Variants in IRX5 observed in about 807,000 individuals in gnomAD.
The protein encoded by IRX5 is iroquois homeobox 5, also known as iroquois-class homeodomain protein IRX-5.
IRX5 carries 8 observed loss-of-function variants against 37.6 expected under a neutral mutation model. That is an observed-to-expected ratio of 0.21 (90% CI 0.12 to 0.38). The LOEUF (loss-of-function observed/expected upper bound fraction) is 0.38, where lower values mean the gene tolerates loss of function less well. Ranked by LOEUF, IRX5 falls within the 10% of genes least tolerant of loss-of-function variation. IRX5 has a pLI of 1.00. For synonymous variants in IRX5, 359 were observed against 328.6 expected (o/e 1.09, Z -1.00); for missense variants, 635 against 695.2 (o/e 0.91, Z 0.97).
At position 54,933,486 on chromosome 16, in the gene IRX5, G is replaced by C. The variant is rs1375777612; in HGVS notation, c.1065G>C (p.Glu355Asp). ...DKVKDGGGGN[E>D]GSPCPPCPGP... ...TCAAGGACGGGGGCGGCGGGAACGA[G>C]GGCTCTCCATGCCCACCGTGTCCCG... is the stretch of plus-strand genomic sequence containing the variant. Residue 355 changes from glutamate (E) to aspartate (D), a missense_variant, in exon 3 of 3, where the codon GAG becomes GAC. Physicochemically the swap from Glu to Asp is conservative, Grantham distance 45. Coordinates refer to ENST00000394636, the MANE Select transcript of IRX5 (RefSeq NM_005853.6). 1 of 1,611,582 alleles carries C rather than the reference G, an allele frequency of 6.2e-7. No homozygotes were observed. Among genetic ancestry groups the C allele is most frequent in the African/African-American group, 1.3e-5 (1 of 74,928 alleles).
chr16:54,932,261 G>A lies in IRX5; in HGVS notation c.250-237G>A, dbSNP rs1963907437. The A allele has an allele frequency of 7.4e-6, 5 of 674,490 alleles. No homozygotes were observed. The South Asian group carries it at 7.8e-5, about 10-fold the overall frequency. The allele number at this position is 674,490 out of a possible 1,614,324, so 41.8% of individuals were successfully genotyped here. On this transcript the variant is annotated intron_variant, in intron 1 of 2. Transcript: ENST00000394636. The surrounding 1 kb of genome is among the most constrained non-coding windows in gnomAD (Gnocchi z 6.7). ...GCCTACGGGGTGACACCGAGGCCGG[G>A]ACAGCTTCAGGGGCCCCAGAAGGAC...
chr16:54,933,061 T>C lies in IRX5; in HGVS notation c.656-16T>C. 1 of 1,601,594 alleles carries C rather than the reference T, an allele frequency of 6.2e-7. No individual in the cohort carries two copies. Among genetic ancestry groups the C allele is most frequent in the East Asian group, 2.2e-5 (1 of 44,494 alleles). Reference sequence around the variant, plus strand: ...CGCGGCCTCTGCGCCCCTGACAGCCTGGGTTTCGCCCGCAGGAGGAGCTGA... The same window carrying C: ...CGCGGCCTCTGCGCCCCTGACAGCCCGGGTTTCGCCCGCAGGAGGAGCTGA... On this transcript the variant is annotated splice_polypyrimidine_tract_variant and intron_variant, in intron 2 of 2. Coordinates refer to ENST00000394636, the MANE Select transcript of IRX5 (RefSeq NM_005853.6).
intron 1 of IRX5, among the ~76,000 whole-genome samples, chr16:54,931,830 C>G (rs973036992): frequency 6.6e-6 from 1 of 152,196 alleles, no homozygotes; most frequent in Admixed American, 6.5e-5. Flanking sequence ...CGTGCTAAGT[C>G]TATGTAAATG....
In IRX5 at chr16:54,931,133, C is replaced by T. The variant is rs1963889849; in HGVS notation, c.-66C>T. On this transcript the variant is annotated 5_prime_UTR_variant, in exon 1 of 3. Coordinates refer to ENST00000394636, the MANE Select transcript of IRX5 (RefSeq NM_005853.6). ...AGAGGCCAGGTGCCCGCCCGCTCGC[C>T]CTCGCAGGGCGCCGCCCGGCTCGTT... 1 of 1,233,984 alleles carries T rather than the reference C, an allele frequency of 8.1e-7. No individual in the cohort carries two copies. The highest frequency in any genetic ancestry group is 1.6e-5 in the African/African-American group (1 of 63,162). The allele number at this position is 1,233,984 out of a possible 1,614,324, so 76.4% of individuals were successfully genotyped here.
At chr16:54,931,477 G>A (rs1419567943) in intron 1 of IRX5, 30 bp downstream of exon 1, 4 of 1,517,904 alleles carry the variant, frequency 2.6e-6, no homozygotes, top group Non-Finnish European at 3.5e-6. Context: ...GGCGGGCGAG[G>A]GGCAGCAGGG....
At position 54,932,647 on chromosome 16, in the gene IRX5, C is replaced by T. The variant is rs1185354785; in HGVS notation, c.399C>T (p.Asn133=). The T allele has an allele frequency of 7.4e-6, 12 of 1,614,060 alleles. No homozygotes were observed. Among genetic ancestry groups the T allele is most frequent in the Non-Finnish European group, 1.0e-5 (12 of 1,180,030 alleles). ...DATATLKAWL[N]EHRKNPYPTK... ...CGGCTACCCTCAAGGCCTGGCTCAA[C>T]GAGCACCGCAAGAACCCCTACCCCA... Residue 133 remains asparagine, a synonymous_variant, in exon 2 of 3, where the codon AAC becomes AAT. Coordinates refer to ENST00000394636, the MANE Select transcript of IRX5 (RefSeq NM_005853.6). This position sits in a 1 kb window ranked among gnomAD's most constrained non-coding sequence, Gnocchi z 6.7.
chr16:54,931,382 A>G lies in IRX5; in HGVS notation c.184A>G (p.Asn62Asp). 1 of 1,603,066 alleles carries G rather than the reference A, an allele frequency of 6.2e-7. No individual in the cohort carries two copies. Among genetic ancestry groups the G allele is most frequent in the Non-Finnish European group, 8.5e-7 (1 of 1,179,384 alleles). ...CTTCACGGCGCCCTCGCCGGGCTAC[A>G]ACTCGCACCTCCAGTACGGCGCCGA... The part of the protein sequence containing the change: ...TAFTAPSPGY[N>D]SHLQYGADPA... Residue 62 changes from asparagine (N) to aspartate (D), a missense_variant, in exon 1 of 3, where the codon AAC becomes GAC. Asn to Asp is a conservative substitution (Grantham distance 23). Transcript: ENST00000394636.
Position 54,932,163 on chromosome 16 carries a change from C to G in IRX5, c.250-335C>G. ...GGAGTCGCCTCAGTTGCCCAGGCCT[C>G]TATCTGCATGGAGGGCCGGGCCGCC... is the stretch of plus-strand genomic sequence containing the variant. On this transcript the variant is annotated intron_variant, in intron 1 of 2. Coordinates refer to ENST00000394636, the MANE Select transcript of IRX5 (RefSeq NM_005853.6). The surrounding 1 kb of genome is among the most constrained non-coding windows in gnomAD (Gnocchi z 6.7). 1.4e-6 allele frequency: 1 copy of G among 702,928 alleles called. No homozygotes were observed. The highest frequency in any genetic ancestry group is 2.6e-6 in the Non-Finnish European group (1 of 384,982). 43.5% of individuals were successfully genotyped at this position (702,928 alleles called of 1,614,324 possible).
In IRX5 at chr16:54,932,188, C is replaced by T. The variant is rs1176859394; in HGVS notation, c.250-310C>T. 4 of 702,686 alleles carry T rather than the reference C, an allele frequency of 5.7e-6. 1 individual carries two copies. The highest frequency in any genetic ancestry group is 3.0e-5 in the South Asian group (2 of 67,572). The allele number at this position is 702,686 out of a possible 1,614,324, so 43.5% of individuals were successfully genotyped here. ...CTATCTGCATGGAGGGCCGGGCCGC[C>T]GTGGCCAGATCTGCGCACGGGGTAC... On this transcript the variant is annotated intron_variant, in intron 1 of 2. Coordinates refer to ENST00000394636, the MANE Select transcript of IRX5 (RefSeq NM_005853.6). The surrounding 1 kb of genome is among the most constrained non-coding windows in gnomAD (Gnocchi z 6.7).
At chr16:54,931,506 G>A in intron 1 of IRX5, 59 bp downstream of exon 1, 1 of 1,470,696 alleles carries the variant, frequency 6.8e-7, no homozygotes, top group Non-Finnish European at 9.0e-7. Context: ...GGAGGACGGG[G>A]GCGGAGGGGG....
chr16:54,931,906 C>G (rs1963902076), intron 1 of IRX5: 1 of 605,770 alleles, frequency 1.7e-6, no homozygotes, highest in East Asian at 2.7e-5. Context: ...CTTCGCAATC[C>G]GATTTGGGAG....
Position 54,933,273 on chromosome 16 carries a change from G to A in IRX5, c.852G>A (p.Ala284=). 7.5e-7 allele frequency: 1 copy of A among 1,325,796 alleles called. No homozygotes were observed. The allele number at this position is 1,325,796 out of a possible 1,614,324, so 82.1% of individuals were successfully genotyped here. A position where few individuals can be genotyped will look rare whatever the true frequency, so the allele number is the denominator to read the frequency against. The part of the protein sequence containing the change: ...SPAGPAAARL[A]EDPAPHYPAG... Reference sequence around the variant, plus strand: ...CTGGGCCAGCGGCGGCGCGGCTGGCGGAGGACCCGGCCCCTCACTACCCCG... The same window carrying A: ...CTGGGCCAGCGGCGGCGCGGCTGGCAGAGGACCCGGCCCCTCACTACCCCG... Residue 284 remains alanine, a synonymous_variant, in exon 3 of 3, where the codon GCG becomes GCA. Coordinates refer to ENST00000394636, the MANE Select transcript of IRX5 (RefSeq NM_005853.6).
Position 54,933,199 on chromosome 16 carries a change from C to A in IRX5, c.778C>A (p.Arg260Ser), listed in dbSNP as rs199861709. ...SDFKEPPSEG[R>S]LDALQGPPRT... ...TTTTAAGGAGCCGCCCTCGGAGGGC[C>A]GCCTCGACGCGCTGCAGGGCCCCCC... is the stretch of plus-strand genomic sequence containing the variant. The change falls in exon 3 of 3, where the codon CGC (arginine) becomes AGC (serine). Residue 260 changes from arginine to serine, a missense_variant. Coordinates refer to ENST00000394636, the MANE Select transcript of IRX5 (RefSeq NM_005853.6). 9.2e-5 allele frequency: 141 copies of A among 1,535,738 alleles called. No homozygotes were observed. The highest frequency in any genetic ancestry group is 2.3e-4 in the Admixed American group (12 of 51,226).
Position 54,931,268 on chromosome 16 carries a change from A to C in IRX5, c.70A>C (p.Ser24Arg). The part of the protein sequence containing the change: ...SLALYSCPAY[S>R]TSVISGPRTD... ...GGCGCTCTACTCGTGCCCGGCGTAC[A>C]GCACCAGCGTCATTTCGGGGCCCCG... The change falls in exon 1 of 3, where the codon AGC (serine) becomes CGC (arginine). Residue 24 changes from serine to arginine, a missense_variant. By Grantham distance (110) the Ser-to-Arg change is moderately radical. Transcript: ENST00000394636. 2 of 1,612,550 alleles carry C rather than the reference A, an allele frequency of 1.2e-6. No homozygotes were observed. Among genetic ancestry groups the C allele is most frequent in the African/African-American group, 2.7e-5 (2 of 74,974 alleles).
chr16:54,932,118 T>C lies in IRX5; in HGVS notation c.250-380T>C, dbSNP rs1596761911. 1.4e-6 allele frequency: 1 copy of C among 702,742 alleles called. No homozygotes were observed. Among genetic ancestry groups the C allele is most frequent in the Non-Finnish European group, 2.6e-6 (1 of 384,930 alleles). 43.5% of individuals were successfully genotyped at this position (702,742 alleles called of 1,614,324 possible). On this transcript the variant is annotated intron_variant, in intron 1 of 2. Coordinates refer to ENST00000394636, the MANE Select transcript of IRX5 (RefSeq NM_005853.6). This position sits in a 1 kb window ranked among gnomAD's most constrained non-coding sequence, Gnocchi z 6.7. ...TTTCCCCCCTTGCGCCCAACGTGCG[T>C]CCGCTCCCCCGCCGAGCGCGGAGTC...
Position 54,933,682 on chromosome 16 carries a change from C to T in IRX5, c.1261C>T (p.Leu421Phe). The change falls in exon 3 of 3, where the codon CTT (leucine) becomes TTT (phenylalanine). Residue 421 changes from leucine (L) to phenylalanine (F), a missense_variant. Coordinates refer to ENST00000394636, the MANE Select transcript of IRX5 (RefSeq NM_005853.6). ...CACGAACTATGGCTCCTTCGGACACCTTCATGGCCACCCGGGGCCCGGGCC... is the reference window on the plus strand; with the variant it reads ...CACGAACTATGGCTCCTTCGGACACTTTCATGGCCACCCGGGGCCCGGGCC... The part of the protein sequence containing the change: ...GYTNYGSFGH[L>F]HGHPGPGPGP... The T allele has an allele frequency of 1.9e-6, 3 of 1,613,628 alleles. No homozygotes were observed. Among genetic ancestry groups the T allele is most frequent in the Non-Finnish European group, 8.5e-7 (1 of 1,179,762 alleles).
In IRX5 at chr16:54,933,354, C is replaced by A. The variant is rs1217296780; in HGVS notation, c.933C>A (p.Pro311=). ...HPAAGEVPPG[P]GGPSVIHSPP... ...CCGCGGGCGAGGTGCCTCCGGGTCC[C>A]GGCGGGCCCTCGGTTATCCATTCGC... Residue 311 remains proline, a synonymous_variant, in exon 3 of 3, where the codon CCC becomes CCA. Coordinates refer to ENST00000394636, the MANE Select transcript of IRX5 (RefSeq NM_005853.6). The A allele has an allele frequency of 9.3e-6, 14 of 1,498,866 alleles. No homozygotes were observed. Among genetic ancestry groups the A allele is most frequent in the Admixed American group, 4.3e-5 (2 of 46,028 alleles). The allele number at this position is 1,498,866 out of a possible 1,614,324, so 92.8% of individuals were successfully genotyped here. A position where few individuals can be genotyped will look rare whatever the true frequency, so the allele number is the denominator to read the frequency against.
chr16:54,933,703 G>C lies in IRX5; in HGVS notation c.1282G>C (p.Gly428Arg). The change falls in exon 3 of 3, where the codon GGG (glycine) becomes CGG (arginine). Residue 428 changes from glycine (G) to arginine (R), a missense_variant. Coordinates refer to ENST00000394636, the MANE Select transcript of IRX5 (RefSeq NM_005853.6). ...FGHLHGHPGP[G>R]PGPTTGPGSH... is the part of the protein sequence containing the mutation. ...ACACCTTCATGGCCACCCGGGGCCCGGGCCAGGCCCCACAACCGGTCCGGG... is the reference window on the plus strand; with the variant it reads ...ACACCTTCATGGCCACCCGGGGCCCCGGCCAGGCCCCACAACCGGTCCGGG... The C allele has an allele frequency of 6.2e-7, 1 of 1,613,598 alleles. No individual in the cohort carries two copies. Among genetic ancestry groups the C allele is most frequent in the South Asian group, 1.1e-5 (1 of 91,082 alleles).
Position 54,933,868 on chromosome 16 carries a change from A to G in IRX5, c.1447A>G (p.Ile483Val). Residue 483 changes from isoleucine (I) to valine (V), a missense_variant, in exon 3 of 3, where the codon ATT becomes GTT. Transcript: ENST00000394636. The part of the protein sequence containing the change: ...PYELKKGMSD[I>V] ...TGAATTGAAGAAAGGTATGTCCGAC[A>G]TTTAACGCGGGCTGCGTCGGTCCCG... The G allele has an allele frequency of 2.5e-6, 4 of 1,583,392 alleles. No individual in the cohort carries two copies. Among genetic ancestry groups the G allele is most frequent in the Non-Finnish European group, 2.6e-6 (3 of 1,157,258 alleles).
Sources: allele counts gnomAD v4.1 joint callset (sites outside exome capture counted in the v4.1 genomes callset), GRCh38; gene constraint gnomAD v4.1.1; non-coding constraint Gnocchi (gnomAD v3.1); transcripts MANE v1.5; gene names NCBI Gene and HGNC (gene_info 2026-07-23, HGNC 2026-07-21).